PKN2: variants seen among roughly 807,000 people sequenced by gnomAD.
The protein encoded by PKN2 is serine/threonine-protein kinase N2.
A neutral mutation model predicts 119.1 loss-of-function variants in PKN2; 38 were observed. That is an observed-to-expected ratio of 0.32 (90% CI 0.25 to 0.42). The LOEUF is 0.42. Among genes scored for constraint, PKN2 ranks in the 10% least tolerant of loss-of-function variants. The pLI, the probability that PKN2 is intolerant of heterozygous loss-of-function variation, is 1.00. For missense variants in PKN2, 850 were observed against 1,165.1 expected (o/e 0.73, Z 3.94); for synonymous variants, 390 against 384.9 (o/e 1.01, Z -0.15).
intron 3 of PKN2, among the ~76,000 whole-genome samples, chr1:88,762,246 A>T (rs1252895022): frequency 6.6e-6 from 1 of 152,234 alleles, no homozygotes; most frequent in Non-Finnish European, 1.5e-5. Flanking sequence ...TAAAACAACC[A>T]CAGATCCAAA....
chr1:88,760,168 AT>A, intron 2 of PKN2, 53 bp from the exon 3 acceptor site: 1 of 1,032,984 alleles, frequency 9.7e-7, no homozygotes, highest in Non-Finnish European at 1.5e-6. Context: ...TTAACTTCCA[AT>A]TTTAAGCAGC....
chr1:88,793,724 C>T (rs1443768509), intron 8 of PKN2, among the ~76,000 whole-genome samples: 2 of 152,088 alleles, frequency 1.3e-5, no homozygotes, highest in African/African-American at 4.8e-5. Context: ...TTGCATATAA[C>T]CCACACACAT....
At chr1:88,826,335 G>A (rs1201315623) in intron 18 of PKN2, among the ~76,000 whole-genome samples, 1 of 148,554 alleles carries the variant, frequency 6.7e-6, no homozygotes, top group Admixed American at 6.6e-5. Context: ...TGCTTACCGT[G>A]TGCCAAGAAT....
chr1:88,776,200 TCCCCCTCCCCCTA>T (rs1246159956), intron 6 of PKN2, among the ~76,000 whole-genome samples: 5 of 77,104 alleles, frequency 6.5e-5, no homozygotes, highest in African/African-American at 2.5e-4. Context: ...TCTCCCTCCC[TCCCCCTCCCCCTA>T]CCCCCTCCCC....
At chr1:88,701,501 T>C (rs1666768119) in intron 1 of PKN2, among the ~76,000 whole-genome samples, 1 of 152,250 alleles carries the variant, frequency 6.6e-6, no homozygotes, top group Non-Finnish European at 1.5e-5. Flanking sequence ...CCAGCTCTAT[T>C]GTCAGTGCCT....
chr1:88,741,365 G>A (rs1330466652), intron 2 of PKN2, 77 bp downstream of exon 2: 1 of 959,838 alleles, frequency 1.0e-6, no homozygotes, highest in Admixed American at 3.5e-5. Flanking sequence ...TAGTAAGTTT[G>A]GGGACATGAA....
At chr1:88,724,108 G>A (rs1194490289) in intron 1 of PKN2, among the ~76,000 whole-genome samples, 1 of 152,092 alleles carries the variant, frequency 6.6e-6, no homozygotes, top group Non-Finnish European at 1.5e-5. Context: ...ATTTAGTTAA[G>A]GAAAGCTCAA....
intron 1 of PKN2, among the ~76,000 whole-genome samples, chr1:88,687,017 C>T (rs1570473261): frequency 6.6e-6 from 1 of 152,172 alleles, no homozygotes; most frequent in East Asian, 1.9e-4. Flanking sequence ...CTTGTTTACT[C>T]TGAAAGTTAC....
In PKN2 at chr1:88,770,361, C is replaced by T; in HGVS notation, c.514C>T (p.Leu172Phe). 1 of 1,600,550 alleles carries T rather than the reference C, an allele frequency of 6.2e-7. No homozygotes were observed. Among genetic ancestry groups the T allele is most frequent in the South Asian group, 1.1e-5 (1 of 90,170 alleles). The change falls in exon 4 of 22, where the codon CTC (leucine) becomes TTC (phenylalanine). Residue 172 changes from leucine (L) to phenylalanine (F), a missense_variant. Leu to Phe is a conservative substitution (Grantham distance 22, BLOSUM62 0). Coordinates refer to ENST00000370521, the MANE Select transcript of PKN2 (RefSeq NM_006256.4). ...YSNGSSKDRK[L>F]HGTAQQLLQD... ...CTTATTTTTTTAATAGGATCGGAAA[C>T]TCCATGGTACAGCTCAGCAACTGCT...
intron 1 of PKN2, among the ~76,000 whole-genome samples, chr1:88,739,741 A>T (rs1367096889): frequency 6.6e-6 from 1 of 152,246 alleles, no homozygotes; most frequent in Non-Finnish European, 1.5e-5. Context: ...TGATATAGAA[A>T]TAGCTAGAAC....
At chr1:88,766,414 C>A (rs990739695) in intron 3 of PKN2, among the ~76,000 whole-genome samples, 5 of 152,054 alleles carry the variant, frequency 3.3e-5, no homozygotes, top group African/African-American at 1.2e-4. Context: ...GTTGTAATGT[C>A]CCACTATAGC....
Position 88,684,349 on chromosome 1 carries a change from C to T in PKN2, c.-232C>T, listed in dbSNP as rs958071762. The T allele has an allele frequency of 8.6e-5, 40 of 467,470 alleles. No individual in the cohort carries two copies. The East Asian group carries it at 1.2e-3, about 14-fold the overall frequency. 29.0% of individuals were successfully genotyped at this position (467,470 alleles called of 1,614,324 possible). A position where few individuals can be genotyped will look rare whatever the true frequency, so the allele number is the denominator to read the frequency against. Reference sequence around the variant, plus strand: ...AGAGGGAGCGACTAGACGAACAGTCCGGTGAGGGCGGCGAGAGGAAGCCCG... The same window carrying T: ...AGAGGGAGCGACTAGACGAACAGTCTGGTGAGGGCGGCGAGAGGAAGCCCG... On this transcript the variant is annotated 5_prime_UTR_variant, in exon 1 of 22. Coordinates refer to ENST00000370521, the MANE Select transcript of PKN2 (RefSeq NM_006256.4).
rs1553159960 is a variant in PKN2 at position 88,827,611 on chromosome 1, C to CCCCTTCCCTCCCCTT, written c.2420-861_2420-860insCCCCTTCCCTTCCCT. ...GTTCAACCTGTACTCTCCCTTCCCTCCCCTTCCCTTCCCTTCCCTTCCCTT... is the reference window on the plus strand; with the variant it reads ...GTTCAACCTGTACTCTCCCTTCCCTCCCCTTCCCTCCCCTTCCCTTCCCTTCCCTTCCCTTCCCTT... On this transcript the variant is annotated intron_variant, in intron 18 of 21. Transcript: ENST00000370521. Among the ~76,000 whole-genome samples the CCCCTTCCCTCCCCTT allele has an allele frequency of 3.4e-3, 440 of 128,816 alleles. 3 individuals are homozygous for CCCCTTCCCTCCCCTT. The highest frequency in any genetic ancestry group is 0.013 in the African/African-American group (413 of 32,498). The allele number at this position is 128,816 out of a possible 152,430, so 84.5% of individuals were successfully genotyped here.
chr1:88,735,608 C>CCCA (rs1668312226), intron 1 of PKN2, among the ~76,000 whole-genome samples: 2 of 57,484 alleles, frequency 3.5e-5, no homozygotes, highest in African/African-American at 5.1e-5. Flanking sequence ...GCCCACCCCC[C>CCCA]CCCCCCCCAC....
At chr1:88,822,462 C>T (rs1382275023) in intron 17 of PKN2, among the ~76,000 whole-genome samples, 2 of 152,016 alleles carry the variant, frequency 1.3e-5, no homozygotes, top group Admixed American at 6.6e-5. Flanking sequence ...CTCTGTAATT[C>T]GTGGCCCAGC....
At chr1:88,705,614 C>T (rs532632898) in intron 1 of PKN2, among the ~76,000 whole-genome samples, 6 of 152,000 alleles carry the variant, frequency 3.9e-5, no homozygotes, top group South Asian at 2.1e-4. Flanking sequence ...AGGAGAATGG[C>T]GTGAACCTGG....
chr1:88,705,824 A>AT (rs549111824), intron 1 of PKN2, among the ~76,000 whole-genome samples: 35 of 149,666 alleles, frequency 2.3e-4, no homozygotes, highest in African/African-American at 5.6e-4. Context: ...ATTTATTATT[A>AT]TTTTTTTTTG....
At chr1:88,829,283 A>G (rs913568376) in intron 19 of PKN2, 2 of 642,562 alleles carry the variant, frequency 3.1e-6, no homozygotes, top group South Asian at 1.6e-5. Flanking sequence ...CAATGAGGTC[A>G]ATTTGAGAGA....
intron 15 of PKN2, among the ~76,000 whole-genome samples, chr1:88,810,929 G>A (rs1671758553): frequency 6.6e-6 from 1 of 152,048 alleles, no homozygotes; most frequent in Non-Finnish European, 1.5e-5. Context: ...CTTAATGACA[G>A]TTCTCATAGT....
Sources: allele counts gnomAD v4.1 joint callset (sites outside exome capture counted in the v4.1 genomes callset), GRCh38; gene constraint gnomAD v4.1.1; transcripts MANE v1.5; gene names NCBI Gene and HGNC (gene_info 2026-07-23, HGNC 2026-07-21).